The following GSE1 variants were observed in gnomAD, a reference collection of about 807,000 sequenced individuals.
The protein encoded by GSE1 is genetic suppressor element 1.
Under a neutral mutation model 112.6 loss-of-function variants are expected in GSE1, and 32 were observed. The ratio of observed to expected loss-of-function variants is 0.28; its 90% CI spans 0.21 to 0.38. The LOEUF (loss-of-function observed/expected upper bound fraction) is 0.38, where lower values mean the gene tolerates loss of function less well. Among genes scored for constraint, GSE1 ranks in the 10% least tolerant of loss-of-function variants. GSE1 has a pLI of 1.00. For missense variants in GSE1, 2,348 were observed against 1,699.2 expected, an observed-to-expected ratio of 1.38 and a Z score of -6.71; for synonymous variants, 1,115 against 735.6, an observed-to-expected ratio of 1.52 and a Z score of -8.35.
intron 1 of GSE1, among the ~76,000 whole-genome samples, chr16:85,300,485 G>C (rs1031932579): frequency 6.6e-6 from 1 of 152,164 alleles, no homozygotes; most frequent in Admixed American, 6.5e-5. Flanking sequence ...CCACTCATCC[G>C]CTTCCTGTCT....
chr16:85,550,017 AAC>A (rs796796070), intron 2 of GSE1, among the ~76,000 whole-genome samples: 16 of 152,222 alleles, frequency 1.1e-4, no homozygotes, highest in African/African-American at 3.6e-4. Context: ...TGTTATCTGA[AAC>A]ACAGGACTAA....
intron 1 of GSE1, among the ~76,000 whole-genome samples, chr16:85,325,546 G>C (rs1265673232): frequency 6.6e-6 from 1 of 151,970 alleles, no homozygotes; most frequent in African/African-American, 2.4e-5. Context: ...CCGCCTCCTG[G>C]GTTCAAGTGG....
chr16:85,483,348 G>A (rs1311897931), intron 2 of GSE1, among the ~76,000 whole-genome samples: 3 of 152,236 alleles, frequency 2.0e-5, no homozygotes, highest in African/African-American at 7.2e-5. Context: ...GGGAGTACGT[G>A]GAGTTGAGTC....
chr16:85,295,584 C>T (rs980269387), intron 1 of GSE1, among the ~76,000 whole-genome samples: 2 of 152,098 alleles, frequency 1.3e-5, no homozygotes, highest in African/African-American at 2.4e-5. Context: ...GGCTGTGTCA[C>T]TTCTGTTGCA....
chr16:85,525,665 C>G (rs1196686980), intron 2 of GSE1, among the ~76,000 whole-genome samples: 1 of 152,218 alleles, frequency 6.6e-6, no homozygotes, highest in African/African-American at 2.4e-5. Context: ...CCATTTGTCC[C>G]TCAGGGGGCA....
intron 1 of GSE1, among the ~76,000 whole-genome samples, chr16:85,342,096 G>A (rs1292832898): frequency 6.6e-6 from 1 of 151,946 alleles, no homozygotes; most frequent in Non-Finnish European, 1.5e-5. Context: ...GCCCATCACT[G>A]CCACCTCCCT....
At chr16:85,229,372 G>A (rs749420797) in intron 1 of GSE1, among the ~76,000 whole-genome samples, 1 of 152,206 alleles carries the variant, frequency 6.6e-6, no homozygotes, top group Non-Finnish European at 1.5e-5. Flanking sequence ...TGTGGCTGCC[G>A]TTCAGCTCAC....
chr16:85,520,427 TA>T (rs2052143571), intron 2 of GSE1, among the ~76,000 whole-genome samples: 1 of 147,316 alleles, frequency 6.8e-6, no homozygotes, highest in South Asian at 2.2e-4. Context: ...GCCCTGCTCC[TA>T]TTTTTTTTTT....
chr16:85,350,999 C>T (rs1322791693), intron 1 of GSE1, among the ~76,000 whole-genome samples: 3 of 152,178 alleles, frequency 2.0e-5, no homozygotes, highest in South Asian at 2.1e-4. Context: ...AGGCTGGTCT[C>T]GAACTTCTGG....
chr16:85,307,057 G>T (rs1005506136), intron 1 of GSE1, among the ~76,000 whole-genome samples: 2 of 152,286 alleles, frequency 1.3e-5, no homozygotes, highest in East Asian at 3.9e-4. Context: ...CACGAGGCTG[G>T]GCCAGCAGCT....
chr16:85,227,458 G>A (rs2075508642), intron 1 of GSE1, among the ~76,000 whole-genome samples: 1 of 152,238 alleles, frequency 6.6e-6, no homozygotes, highest in Non-Finnish European at 1.5e-5. Flanking sequence ...TTTGAGGGAT[G>A]TGCAGGAGTT....
chr16:85,666,265 G>A lies in GSE1; in HGVS notation c.3048G>A (p.Glu1016=), dbSNP rs1224531262. Residue 1016 remains glutamate, a synonymous_variant, in exon 13 of 16, where the codon GAG becomes GAA. Transcript: ENST00000253458. ...CCAATGGGAAGAGCAAGCCGTGGGAGCCCTTTGTGGCAGAAGAGTTTGCAC... is the reference window on the plus strand; with the variant it reads ...CCAATGGGAAGAGCAAGCCGTGGGAACCCTTTGTGGCAGAAGAGTTTGCAC... The part of the protein sequence containing the change: ...HSTNGKSKPW[E]PFVAEEFAHQ... The A allele has an allele frequency of 1.2e-6, 2 of 1,613,778 alleles. No individual in the cohort carries two copies. The highest frequency in any genetic ancestry group is 1.3e-5 in the African/African-American group (1 of 74,948).
chr16:85,216,019 G>T (rs2075302034), intron 1 of GSE1, among the ~76,000 whole-genome samples: 3 of 152,308 alleles, frequency 2.0e-5, no homozygotes, highest in African/African-American at 7.2e-5. Context: ...CAGCCCTGGG[G>T]GTCAGCCCAC....
At chr16:85,603,335 CTGGCTTCGCTCGTGACTCTGCTCA>C (rs1214558145) in intron 1 of GSE1, among the ~76,000 whole-genome samples, 2 of 152,212 alleles carry the variant, frequency 1.3e-5, no homozygotes, top group African/African-American at 4.8e-5. Flanking sequence ...TGGGTCATGA[CTGGCTTCGCTCGTGACTCTGCTCA>C]GCCCCCAGTG....
chr16:85,627,955 C>T (rs538830437), intron 1 of GSE1, among the ~76,000 whole-genome samples: 110 of 152,340 alleles, frequency 7.2e-4, no homozygotes, highest in African/African-American at 2.6e-3. Context: ...CCGCATCGGT[C>T]TCCCTGGGGA....
chr16:85,403,189 T>G (rs1463636286), intron 2 of GSE1, among the ~76,000 whole-genome samples: 1 of 152,046 alleles, frequency 6.6e-6, no homozygotes, highest in Non-Finnish European at 1.5e-5. Context: ...AGGGATCCTG[T>G]GCTATCAGGC....
At chr16:85,537,795 AC>A (rs1038110352) in intron 2 of GSE1, among the ~76,000 whole-genome samples, 12 of 107,780 alleles carry the variant, frequency 1.1e-4, no homozygotes, top group East Asian at 8.3e-4. Context: ...ATCAAATGGT[AC>A]CCTAAAGCCC....
intron 1 of GSE1, among the ~76,000 whole-genome samples, chr16:85,213,627 G>C (rs897759216): frequency 6.6e-6 from 1 of 152,200 alleles, no homozygotes; most frequent in Admixed American, 6.5e-5. Flanking sequence ...CAGCCAGCCC[G>C]TGTGTGATAG....
chr16:85,646,726 G>T (rs1213234154), intron 2 of GSE1, among the ~76,000 whole-genome samples: 2 of 152,152 alleles, frequency 1.3e-5, no homozygotes, highest in African/African-American at 4.8e-5. Flanking sequence ...CCGGAGTCGG[G>T]GGTGTGAGTG....
Sources: allele counts gnomAD v4.1 joint callset (sites outside exome capture counted in the v4.1 genomes callset), GRCh38; gene constraint gnomAD v4.1.1; transcripts MANE v1.5; gene names NCBI Gene and HGNC (gene_info 2026-07-23, HGNC 2026-07-21).